Variants in HECTD4 observed in about 807,000 individuals in gnomAD.
The protein encoded by HECTD4 is probable E3 ubiquitin-protein ligase HECTD4.
Under a neutral mutation model 471.5 loss-of-function variants are expected in HECTD4, and 114 were observed. The ratio of observed to expected loss-of-function variants is 0.24; its 90% CI spans 0.21 to 0.28. The LOEUF (loss-of-function observed/expected upper bound fraction) is 0.28. Among genes scored for constraint, HECTD4 ranks in the 10% least tolerant of loss-of-function variants. HECTD4 has a pLI of 1.00. For missense variants in HECTD4, 3,866 were observed against 5,651.5 expected, an observed-to-expected ratio of 0.68 and a Z score of 10.13; for synonymous variants, 2,012 against 2,256.0, an observed-to-expected ratio of 0.89 and a Z score of 3.07.
intron 1 of HECTD4, among the ~76,000 whole-genome samples, chr12:112,331,528 A>G (rs79283592): frequency 1.7e-3 from 256 of 152,356 alleles, no homozygotes; most frequent in African/African-American, 5.8e-3. Context: ...TTCCGCATCT[A>G]TAAAACGAGG....
At chr12:112,199,792 A>C (rs2032361685) in intron 55 of HECTD4, among the ~76,000 whole-genome samples, 3 of 152,180 alleles carry the variant, frequency 2.0e-5, no homozygotes, top group African/African-American at 4.8e-5. Context: ...CAGCGAAAGG[A>C]GCTTACACTG....
At chr12:112,344,779 G>A (rs372616206) in intron 1 of HECTD4, among the ~76,000 whole-genome samples, 7 of 151,952 alleles carry the variant, frequency 4.6e-5, no homozygotes, top group African/African-American at 1.2e-4. Flanking sequence ...TAAGCCAGGC[G>A]TGGTGGCGCA....
chr12:112,358,903 C>T (rs1029274572), intron 1 of HECTD4, among the ~76,000 whole-genome samples: 1 of 152,088 alleles, frequency 6.6e-6, no homozygotes, highest in African/African-American at 2.4e-5. Context: ...CGGCCGGGCG[C>T]GGTGGCTCAT....
intron 7 of HECTD4, among the ~76,000 whole-genome samples, chr12:112,288,305 C>A: frequency 7.7e-6 from 1 of 129,738 alleles, no homozygotes; most frequent in African/African-American, 2.9e-5. Context: ...GGTGACAGAG[C>A]AAGACTCTGT....
At chr12:112,375,885 A>G (rs1183428019) in intron 1 of HECTD4, among the ~76,000 whole-genome samples, 1 of 151,266 alleles carries the variant, frequency 6.6e-6, no homozygotes, top group Non-Finnish European at 1.5e-5. Flanking sequence ...CCTGGCCAAT[A>G]TGGCGAAACC....
At chr12:112,170,529 G>A in intron 68 of HECTD4, 77 bp from the exon 69 acceptor site, 3 of 1,551,018 alleles carry the variant, frequency 1.9e-6, no homozygotes, top group East Asian at 2.4e-5. Flanking sequence ...CTCTCTTCCG[G>A]TCCCTGGGTG....
intron 2 of HECTD4, among the ~76,000 whole-genome samples, chr12:112,318,361 TGAA>T (rs972366612): frequency 1.9e-4 from 29 of 152,054 alleles, no homozygotes; most frequent in African/African-American, 6.7e-4. Flanking sequence ...GACTTGCACA[TGAA>T]GAACAGCATA....
At chr12:112,183,315 T>C (rs761466251) in intron 61 of HECTD4, 49 bp from the exon 62 acceptor site, 16 of 1,435,206 alleles carry the variant, frequency 1.1e-5, no homozygotes, top group Non-Finnish European at 1.5e-5. Flanking sequence ...TGACCAGTCA[T>C]TCAGTGTGAG....
chr12:112,193,547 G>A lies in HECTD4; in HGVS notation c.8877C>T (p.Asn2959=), dbSNP rs1181939675. 1.6e-5 allele frequency: 26 copies of A among 1,612,736 alleles called. No individual in the cohort carries two copies. In the East Asian group the frequency reaches 2.9e-4, roughly 18 times the overall value. ...GGTGCAGGGTCCGGGTGATGGCCACGTTGAGCCACTCTCTCACTGTCTGGG... is the reference window on the plus strand; with the variant it reads ...GGTGCAGGGTCCGGGTGATGGCCACATTGAGCCACTCTCTCACTGTCTGGG... The part of the protein sequence containing the change: ...GNSQTVREWL[N]VAITRTLHQG... The change falls in exon 57 of 76, where the codon AAC becomes AAT. Residue 2959 remains asparagine (N), a synonymous_variant. Transcript: ENST00000682272. The surrounding 1 kb of genome is among the most constrained non-coding windows in gnomAD (Gnocchi z 5.2).
chr12:112,230,631 TA>T (rs1408970780), intron 40 of HECTD4, 55 bp downstream of exon 40: 1 of 1,533,758 alleles, frequency 6.5e-7, no homozygotes, highest in Non-Finnish European at 8.8e-7. Context: ...GGTATGATTC[TA>T]ATTCTAATTA....
At chr12:112,268,323 A>G (rs2034327486) in intron 13 of HECTD4, among the ~76,000 whole-genome samples, 1 of 152,212 alleles carries the variant, frequency 6.6e-6, no homozygotes, top group African/African-American at 2.4e-5. Flanking sequence ...AGAGATTCGA[A>G]GCATAATGTG....
intron 1 of HECTD4, among the ~76,000 whole-genome samples, chr12:112,373,890 A>G (rs2036729933): frequency 6.7e-6 from 1 of 149,106 alleles, no homozygotes; most frequent in Non-Finnish European, 1.5e-5. Flanking sequence ...TGTAATCCCA[A>G]CTACTCGGGA....
At chr12:112,167,744 G>A in intron 71 of HECTD4, 70 bp downstream of exon 71, 2 of 1,371,200 alleles carry the variant, frequency 1.5e-6, no homozygotes, top group South Asian at 2.3e-5. Flanking sequence ...GACACACACT[G>A]CCCGCCACCC....
chr12:112,367,489 C>A (rs2036586364), intron 1 of HECTD4, among the ~76,000 whole-genome samples: 1 of 151,896 alleles, frequency 6.6e-6, no homozygotes, highest in Non-Finnish European at 1.5e-5. Flanking sequence ...TTCAGAACCC[C>A]TGAGGGAAAG....
intron 1 of HECTD4, among the ~76,000 whole-genome samples, chr12:112,345,077 G>A (rs937175505): frequency 6.6e-5 from 10 of 152,008 alleles, no homozygotes; most frequent in Non-Finnish European, 1.3e-4. Context: ...AGTATAGTAA[G>A]ACTCCATCTT....
rs182050632 is a variant in HECTD4, at chr12:112,228,592, T to C, written c.6684+55A>G. On this transcript the variant is annotated intron_variant, in intron 42 of 75. Transcript: ENST00000682272. This position sits in a 1 kb window ranked among gnomAD's most constrained non-coding sequence, Gnocchi z 4.9. ...GCACTGAGCATGTGCATAGACTCAT[T>C]ACAGTACAGTTACCATTGGCAGACA... 1.4e-3 allele frequency: 2,018 copies of C among 1,489,230 alleles called. 3 individuals are homozygous for C. Among genetic ancestry groups the C allele is most frequent in the Admixed American group, 3.9e-3 (191 of 48,380 alleles). The allele number at this position is 1,489,230 out of a possible 1,614,324, so 92.3% of individuals were successfully genotyped here.
chr12:112,206,187 G>C (rs1206865661), intron 52 of HECTD4, among the ~76,000 whole-genome samples: 1 of 152,180 alleles, frequency 6.6e-6, no homozygotes, highest in African/African-American at 2.4e-5. Flanking sequence ...CAGTGCCCAG[G>C]ACGTTGTGGG....
intron 1 of HECTD4, among the ~76,000 whole-genome samples, chr12:112,370,338 G>A (rs1260519915): frequency 6.6e-6 from 1 of 152,174 alleles, no homozygotes; most frequent in Non-Finnish European, 1.5e-5. Flanking sequence ...AAAAATGTGA[G>A]AATAAATCCA....
At chr12:112,302,461 G>A (rs544729887) in intron 7 of HECTD4, 1 of 751,064 alleles carries the variant, frequency 1.3e-6, no homozygotes, top group African/African-American at 1.7e-5. Context: ...GCTGCTTATA[G>A]AGGATGGCTC....
Sources: gnomAD v4.1 joint callset for allele counts (sites outside exome capture counted in the v4.1 genomes callset) on GRCh38, gnomAD v4.1.1 for gene constraint, Gnocchi (gnomAD v3.1) non-coding constraint, MANE v1.5 for transcripts, NCBI Gene and HGNC (gene_info 2026-07-23, HGNC 2026-07-21) for gene names.